Variants in LCN8 observed in about 807,000 individuals in gnomAD.
LCN8 encodes the protein epididymal-specific lipocalin-8.
In LCN8, 16 loss-of-function variants were observed where a neutral mutation model predicts 22.8. The observed-to-expected ratio is 0.70, with a 90% CI of 0.47 to 1.06. The LOEUF is 1.06. LCN8 is among the 50% of genes least tolerant of loss of function. The pLI, the probability that LCN8 is intolerant of heterozygous loss-of-function variation, is 0.00. For synonymous variants in LCN8, 92 were observed against 83.4 expected, an observed-to-expected ratio of 1.10 and a Z score of -0.56; for missense variants, 189 against 203.3, an observed-to-expected ratio of 0.93 and a Z score of 0.43.
chr9:136,758,037 C>T lies in LCN8; in HGVS notation c.-107G>A. On this transcript the variant is annotated 5_prime_UTR_variant, in exon 1 of 7. Transcript: ENST00000371688. ...GCTCCGGGTTCCCCTGCTGCACAGCCTGGGCCGATTCTATACGGACAGTGC... is the reference window on the plus strand; with the variant it reads ...GCTCCGGGTTCCCCTGCTGCACAGCTTGGGCCGATTCTATACGGACAGTGC... 1 of 1,553,706 alleles carries T rather than the reference C, an allele frequency of 6.4e-7. No homozygotes were observed. Among genetic ancestry groups the T allele is most frequent in the Non-Finnish European group, 8.7e-7 (1 of 1,151,810 alleles).
intron 3 of LCN8, 22 bp from the exon 4 acceptor site, chr9:136,755,538 T>C (rs1365249273): frequency 1.9e-6 from 3 of 1,604,970 alleles, no homozygotes; most frequent in Non-Finnish European, 2.5e-6. Context: ...GGCCATGGCG[T>C]TGGGGGAGAC....
In LCN8 at chr9:136,757,097, C is replaced by T. The variant is rs1847227082; in HGVS notation, c.96G>A (p.Val32=). Residue 32 remains valine, a synonymous_variant, in exon 2 of 7, where the codon GTG becomes GTA. Transcript: ENST00000371688. ...QSLVLTAPKR[V]EGLFLTLSGS... Reference sequence around the variant, plus strand: ...CGCTCAAGGTGAGGAACAAGCCCTCCACCCGCTTCGGGGCCGTCAGCACCA... The same window carrying T: ...CGCTCAAGGTGAGGAACAAGCCCTCTACCCGCTTCGGGGCCGTCAGCACCA... 4 of 1,613,580 alleles carry T rather than the reference C, an allele frequency of 2.5e-6. No homozygotes were observed. Among genetic ancestry groups the T allele is most frequent in the Non-Finnish European group, 3.4e-6 (4 of 1,179,850 alleles).
chr9:136,755,163 G>T lies in LCN8; in HGVS notation c.422-3C>A. 1 of 1,600,436 alleles carries T rather than the reference G, an allele frequency of 6.2e-7. No individual in the cohort carries two copies. The highest frequency in any genetic ancestry group is 8.5e-7 in the Non-Finnish European group (1 of 1,172,832). ...CTTCAGGAGCTCGGCACACCGCCCT[G>T]CAGGATAGGCCAGCATGAGGAGCTG... On this transcript the variant is annotated splice_region_variant and splice_polypyrimidine_tract_variant and intron_variant, in intron 5 of 6. Transcript: ENST00000371688.
At chr9:136,757,808 C>T (rs538414040) in intron 1 of LCN8, 99 bp downstream of exon 1, 17 of 1,606,946 alleles carry the variant, frequency 1.1e-5, no homozygotes, top group Middle Eastern at 1.6e-4. Context: ...CGGGCACCAG[C>T]GTCCCCACGA....
At chr9:136,754,839 C>A in intron 6 of LCN8, 1 of 1,349,456 alleles carries the variant, frequency 7.4e-7, no homozygotes, top group Non-Finnish European at 9.5e-7. Flanking sequence ...GAAGAAAAGG[C>A]GCCATTTCTG....
Position 136,756,536 on chromosome 9 carries a change from T to G in LCN8, c.212A>C (p.Lys71Thr). 1.2e-6 allele frequency: 2 copies of G among 1,614,110 alleles called. No individual in the cohort carries two copies. Among genetic ancestry groups the G allele is most frequent in the African/African-American group, 2.7e-5 (2 of 75,034 alleles). ...IVGSEIDSTG[K>T]FAFPGHREIH... ...ACTGCACTTACCAGGAAAAGCGAAT[T>G]TTCCCGTACTGTCTATTTCTGAGCC... Residue 71 changes from lysine (K) to threonine (T), a missense_variant, in exon 3 of 7, where the codon AAA (lysine) becomes ACA (threonine). By Grantham distance (78) the Lys-to-Thr change is moderately conservative (BLOSUM62 -1). Coordinates refer to ENST00000371688, the MANE Select transcript of LCN8 (RefSeq NM_178469.4).
chr9:136,755,582 T>G, intron 3 of LCN8, 66 bp from the exon 4 acceptor site: 2 of 1,553,450 alleles, frequency 1.3e-6, no homozygotes, highest in Non-Finnish European at 1.7e-6. Flanking sequence ...GGCCAGGGTC[T>G]GCAGGGTCTA....
chr9:136,755,772 A>G, intron 3 of LCN8: 1 of 1,491,216 alleles, frequency 6.7e-7, no homozygotes, highest in Non-Finnish European at 8.9e-7. Context: ...GGAACGGTGC[A>G]GGAAACAGCA....
chr9:136,754,429 G>C lies in LCN8; in HGVS notation c.*69C>G, dbSNP rs1269451567. 3.2e-6 allele frequency: 5 copies of C among 1,546,854 alleles called. No homozygotes were observed. The African/African-American group carries it at 6.8e-5, about 21-fold the overall frequency. Reference sequence around the variant, plus strand: ...CAGAGCAGGTGCAGGTGACCTGGTGGGCAGGGTGCCCAGGAGGGGCAGGGG... The same window carrying C: ...CAGAGCAGGTGCAGGTGACCTGGTGCGCAGGGTGCCCAGGAGGGGCAGGGG... On this transcript the variant is annotated 3_prime_UTR_variant, in exon 7 of 7. Transcript: ENST00000371688.
At chr9:136,758,510 T>A (rs1847260295), upstream of LCN8, 1 of 990,928 alleles carries the variant, frequency 1.0e-6, no homozygotes, top group Admixed American at 5.9e-5. Flanking sequence ...AGAGTGACAG[T>A]GACAGTGGGG....
chr9:136,755,368 T>A (rs372006796), intron 4 of LCN8, 35 bp from the exon 5 acceptor site: 1 of 1,610,342 alleles, frequency 6.2e-7, no homozygotes, highest in Non-Finnish European at 8.5e-7. Context: ...GGGCAGTCCC[T>A]GGGAGAGCAG....
Position 136,755,504 on chromosome 9 carries a change from ATC to A in LCN8, c.237_238del (p.Glu79AspfsTer36), listed in dbSNP as rs1430970111. 1 of 1,612,282 alleles carries A rather than the reference ATC, an allele frequency of 6.2e-7. No individual in the cohort carries two copies. The highest frequency in any genetic ancestry group is 1.3e-5 in the African/African-American group (1 of 74,894). ...CTCGTAGTCGGTGTCCAGCACGTGG[ATC>A]TCTCTGTGGCCTTCAAGAGCCGGCC... On this transcript the variant is annotated frameshift_variant, in exon 4 of 7. Transcript: ENST00000371688. LOFTEE classifies it high-confidence loss of function.
At chr9:136,756,210 G>T in intron 3 of LCN8, 2 of 1,095,692 alleles carry the variant, frequency 1.8e-6, no homozygotes, top group East Asian at 9.2e-5. Flanking sequence ...GCAGGGAACA[G>T]CATGGGGAAC....
chr9:136,758,364 G>GCTGTGGGCACCACCC, upstream of LCN8: 1 of 1,031,500 alleles, frequency 9.7e-7, no homozygotes, highest in Non-Finnish European at 1.2e-6. Context: ...CGCTGCGAGG[G>GCTGTGGGCACCACCC]CTGTGGGCAC....
chr9:136,756,958 G>A lies in LCN8; in HGVS notation c.155+80C>T, dbSNP rs921213345. On this transcript the variant is annotated intron_variant, in intron 2 of 6. Coordinates refer to ENST00000371688, the MANE Select transcript of LCN8 (RefSeq NM_178469.4). ...GGACGGCACTCAGCCCAGACCCCAC[G>A]CTGCAGCGGGTGCAGCAACCCACGC... 58 of 1,507,962 alleles carry A rather than the reference G, an allele frequency of 3.8e-5. No individual in the cohort carries two copies. The East Asian group carries it at 8.1e-4, about 21-fold the overall frequency. 93.4% of individuals were successfully genotyped at this position (1,507,962 alleles called of 1,614,324 possible).
In LCN8 at chr9:136,755,472, C is replaced by T. The variant is rs1378277160; in HGVS notation, c.271G>A (p.Ala91Thr). ...CACATCAGGGACACCCGCAGGATGG[C>T]GTAGCCCTCGTAGTCGGTGTCCAGC... The part of the protein sequence containing the change: ...HVLDTDYEGY[A>T]ILRVSLMWRG... Residue 91 changes from alanine to threonine, a missense_variant, in exon 4 of 7, where the codon GCC becomes ACC. By Grantham distance (58) the Ala-to-Thr change is moderately conservative. Coordinates refer to ENST00000371688, the MANE Select transcript of LCN8 (RefSeq NM_178469.4). 3 of 1,613,030 alleles carry T rather than the reference C, an allele frequency of 1.9e-6. No homozygotes were observed. Among genetic ancestry groups the T allele is most frequent in the Admixed American group, 1.7e-5 (1 of 59,994 alleles).
intron 6 of LCN8, 59 bp downstream of exon 6, chr9:136,755,076 G>A: frequency 1.4e-6 from 2 of 1,462,032 alleles, no homozygotes; most frequent in African/African-American, 1.4e-5. Flanking sequence ...GACAGGGCCA[G>A]GGACTGGGCC....
chr9:136,758,252 C>T (rs897664305), upstream of LCN8: 6 of 1,251,506 alleles, frequency 4.8e-6, no homozygotes, highest in Non-Finnish European at 6.1e-6. Context: ...CTGCTGGGGC[C>T]GTCTCGGAGC....
At chr9:136,757,270 T>A (rs1454581642) in intron 1 of LCN8, 102 bp from the exon 2 acceptor site, 1 of 1,516,802 alleles carries the variant, frequency 6.6e-7, no homozygotes, top group African/African-American at 1.4e-5. Context: ...CTCTGAGAGG[T>A]CAGCAGATGG....
Sources: allele counts gnomAD v4.1 joint callset, GRCh38; gene constraint gnomAD v4.1.1; transcripts MANE v1.5; gene names NCBI Gene and HGNC (gene_info 2026-07-23, HGNC 2026-07-21).